The following MICAL2 variants were observed in gnomAD, a reference collection of about 807,000 sequenced individuals.
MICAL2 encodes [F-actin]-monooxygenase MICAL2.
In MICAL2, 77 loss-of-function variants were observed where a neutral mutation model predicts 127.3. The observed-to-expected ratio is 0.60, with a 90% CI of 0.50 to 0.73. The LOEUF (loss-of-function observed/expected upper bound fraction) is 0.73, where lower values mean the gene tolerates loss of function less well. Among genes scored for constraint, MICAL2 ranks in the 30% least tolerant of loss-of-function variants. The pLI is 0.00. For missense variants in MICAL2, 1,351 were observed against 1,434.4 expected (o/e 0.94, Z 0.94); for synonymous variants, 570 against 551.1 (o/e 1.03, Z -0.48).
At position 12,190,145 on chromosome 11, in the gene MICAL2, C is replaced by T. The variant is rs73416239; in HGVS notation, c.265-14105C>T. Reference sequence around the variant, plus strand: ...TGCAAGTTGACTCAAAACTACATTCCGCTGGTGAGTATGGGTTGTCTGGCC... The same window carrying T: ...TGCAAGTTGACTCAAAACTACATTCTGCTGGTGAGTATGGGTTGTCTGGCC... On this transcript the variant is annotated intron_variant, in intron 3 of 27. Coordinates refer to ENST00000683283, the MANE Select transcript of MICAL2 (RefSeq NM_001282663.2). Among the ~76,000 whole-genome samples the T allele has an allele frequency of 9.3e-3, 1,423 of 152,226 alleles. 25 individuals are homozygous for T. Among genetic ancestry groups the T allele is most frequent in the African/African-American group, 0.033 (1,362 of 41,522 alleles).
intron 22 of MICAL2, chr11:12,254,173 T>C (rs1861981292): frequency 6.6e-6 from 1 of 152,014 alleles, no homozygotes; most frequent in Admixed American, 6.6e-5. Flanking sequence ...GGGGGCAGAG[T>C]CCAAATATGT....
intron 3 of MICAL2, among the ~76,000 whole-genome samples, chr11:12,178,929 C>T (rs963227722): frequency 1.3e-5 from 2 of 152,088 alleles, no homozygotes; most frequent in African/African-American, 4.8e-5. Flanking sequence ...TCATGCTTGT[C>T]CCCTGCTCTT....
At chr11:12,272,123 T>C (rs1295500045), upstream of MICAL2, among the ~76,000 whole-genome samples, 1 of 152,174 alleles carries the variant, frequency 6.6e-6, no homozygotes, top group Admixed American at 6.5e-5. Flanking sequence ...AGCAGGACAC[T>C]GGGTGTTCCT....
intron 29 of MICAL2, among the ~76,000 whole-genome samples, chr11:12,302,992 G>A (rs1864065819): frequency 6.6e-6 from 1 of 152,180 alleles, no homozygotes; most frequent in African/African-American, 2.4e-5. Flanking sequence ...TACAATCGTG[G>A]TGGAAAGCAC....
chr11:12,312,539 C>G lies in MICAL2; in HGVS notation c.5213-7157C>G, dbSNP rs1029607868. Among the ~76,000 whole-genome samples the G allele has an allele frequency of 9.9e-5, 15 of 152,014 alleles. No homozygotes were observed. The East Asian group carries it at 2.9e-3, about 29-fold the overall frequency. ...TTGTCAAGTCCAAGAGAAAACTTCC[C>G]CCTCACCCTCTGAAAGGTTGCTGAA... On this transcript the variant is annotated intron_variant, in intron 29 of 34. Transcript: ENST00000646065.
At chr11:12,296,116 CAA>C (rs200274532), downstream of MICAL2, among the ~76,000 whole-genome samples, 1,868 of 152,040 alleles carry the variant, frequency 0.012, 30 homozygotes, top group South Asian at 0.052. Flanking sequence ...TCCTCCTTGC[CAA>C]AGTTTTAGTC....
downstream of MICAL2, chr11:12,287,383 C>T: frequency 2.8e-6 from 1 of 360,906 alleles, no homozygotes; most frequent in Non-Finnish European, 4.9e-6. Flanking sequence ...CCCCCTCCAC[C>T]CCACCCCTGG....
exon 3 of MICAL2, chr11:12,287,191 G>A: frequency 2.5e-6 from 1 of 398,982 alleles, no homozygotes; most frequent in Non-Finnish European, 4.4e-6. Flanking sequence ...CTGGGGGTGG[G>A]AGGCTGGGGC....
chr11:12,208,138 A>C lies in MICAL2; in HGVS notation c.588A>C (p.Gln196His). The C allele has an allele frequency of 6.2e-7, 1 of 1,607,350 alleles. No homozygotes were observed. Among genetic ancestry groups the C allele is most frequent in the East Asian group, 2.2e-5 (1 of 44,842 alleles). Residue 196 changes from glutamine to histidine, a missense_variant and splice_region_variant, in exon 5 of 28, where the codon CAA (glutamine) becomes CAC (histidine). Around this residue, in one of 2 missense-constraint regions of MICAL2, gnomAD observed 599 missense variants for 714.9 expected, o/e 0.84. Coordinates refer to ENST00000683283, the MANE Select transcript of MICAL2 (RefSeq NM_001282663.2). ...AGCCTCCTGAAGATCAAGAAAATCA[A>C]AGTACAGTATAATTTTCTTTTTCTG... ...VLEPPEDQEN[Q>H]KIGWRAEFLP...
At chr11:12,154,421 G>A (rs1386785048) in intron 2 of MICAL2, among the ~76,000 whole-genome samples, 1 of 152,122 alleles carries the variant, frequency 6.6e-6, no homozygotes, top group Admixed American at 6.5e-5. Context: ...CCTGGCCTTG[G>A]AATGTGTATG....
chr11:12,207,941 C>T (rs539671319), intron 4 of MICAL2, 82 bp from the exon 5 acceptor site: 279 of 1,031,582 alleles, frequency 2.7e-4, no homozygotes, highest in South Asian at 7.0e-4. Flanking sequence ...GGTCACTGAG[C>T]GGCAGTGATT....
intron 1 of MICAL2, among the ~76,000 whole-genome samples, chr11:12,119,441 A>G (rs546273374): frequency 2.6e-4 from 40 of 152,276 alleles, no homozygotes; most frequent in African/African-American, 9.4e-4. Context: ...GAGAGACCTT[A>G]TATGTCCTGA....
intron 33 of MICAL2, chr11:12,350,012 C>A (rs754210602): frequency 1.4e-5 from 17 of 1,228,120 alleles, no homozygotes; most frequent in Non-Finnish European, 2.0e-5. Flanking sequence ...CCTCCTAGGC[C>A]GAAGTCTCGG....
intron 29 of MICAL2, among the ~76,000 whole-genome samples, chr11:12,313,622 CT>C (rs1167171406): frequency 4.6e-5 from 7 of 152,042 alleles, no homozygotes; most frequent in South Asian, 2.1e-4. Context: ...TTAATATACT[CT>C]AGTTATTGGA....
At chr11:12,163,874 CT>C (rs1032117341) in intron 3 of MICAL2, 1 of 152,050 alleles carries the variant, frequency 6.6e-6, no homozygotes, top group Non-Finnish European at 1.5e-5. Flanking sequence ...TATATGGTGG[CT>C]TCTTTTTTTT....
rs770635856 is a variant in MICAL2, at chr11:12,258,450, G to C, written c.3143-18G>C. The C allele has an allele frequency of 6.2e-7, 1 of 1,605,622 alleles. No individual in the cohort carries two copies. The highest frequency in any genetic ancestry group is 1.1e-5 in the South Asian group (1 of 90,928). ...ACAGGAGAAAAATTTTTCTGTATGT[G>C]TGTGCCTCTTTTTACAGGCAAATTT... On this transcript the variant is annotated intron_variant, in intron 24 of 27. Transcript: ENST00000683283.
At chr11:12,242,537 C>A in intron 19 of MICAL2, 105 bp downstream of exon 19, 1 of 1,428,720 alleles carries the variant, frequency 7.0e-7, no homozygotes, top group Non-Finnish European at 9.7e-7. Flanking sequence ...TGCCCACCCC[C>A]TGTCTCTCAT....
intron 2 of MICAL2, among the ~76,000 whole-genome samples, chr11:12,156,587 C>T (rs1293788186): frequency 2.0e-5 from 3 of 152,146 alleles, no homozygotes; most frequent in Non-Finnish European, 4.4e-5. Flanking sequence ...AGTCCCTTCC[C>T]TACCCTGGAA....
chr11:12,287,188 T>A (rs1267519133), exon 3 of MICAL2: 1 of 398,492 alleles, frequency 2.5e-6, no homozygotes, highest in Non-Finnish European at 4.4e-6. Flanking sequence ...TCTCTGGGGG[T>A]GGGAGGCTGG....
Sources: gnomAD v4.1 joint callset for allele counts (sites outside exome capture counted in the v4.1 genomes callset) on GRCh38, gnomAD v4.1.1 for gene constraint, gnomAD v4.1.1 regional missense constraint, MANE v1.5 for transcripts, NCBI Gene and HGNC (gene_info 2026-07-23, HGNC 2026-07-21) for gene names.